UGT1A4: variants seen among roughly 807,000 people sequenced by gnomAD.
UGT1A4 encodes UDP-glucuronosyltransferase 1A4.
UGT1A4 carries 32 observed loss-of-function variants against 41.1 expected under a neutral mutation model. That is an observed-to-expected ratio of 0.78 (90% CI 0.59 to 1.05). The LOEUF is 1.05. UGT1A4 is among the 50% of genes least tolerant of loss of function. UGT1A4 has a pLI of 0.00. For synonymous variants in UGT1A4, 283 were observed against 265.1 expected (o/e 1.07, Z -0.66); for missense variants, 748 against 677.4 (o/e 1.10, Z -1.16).
At chr2:233,759,139 A>C (rs1697067620) in intron 1 of UGT1A4, among the ~76,000 whole-genome samples, 1 of 152,242 alleles carries the variant, frequency 6.6e-6, no homozygotes, top group Non-Finnish European at 1.5e-5. Flanking sequence ...TACGCAATGA[A>C]GGTGAGTTCC....
At chr2:233,771,579 A>G (rs974224388) in intron 4 of UGT1A4, 2 of 152,312 alleles carry the variant, frequency 1.3e-5, no homozygotes, top group Non-Finnish European at 2.9e-5. Flanking sequence ...GGTTGTTTAC[A>G]ACTTCAAATA....
At chr2:233,722,664 T>C (rs1443762088) in intron 1 of UGT1A4, among the ~76,000 whole-genome samples, 2 of 152,158 alleles carry the variant, frequency 1.3e-5, no homozygotes, top group Admixed American at 1.3e-4. Flanking sequence ...TTTACTTAGG[T>C]TTTGGTAAAA....
At position 233,744,814 on chromosome 2, in the gene UGT1A4, C is replaced by T. The variant is rs571865422; in HGVS notation, c.868-22220C>T. 9.2e-5 allele frequency among the ~76,000 whole-genome samples: 14 copies of T among 152,002 alleles called. No individual in the cohort carries two copies. In the East Asian group the frequency reaches 9.6e-4, roughly 10 times the overall value. On this transcript the variant is annotated intron_variant, in intron 1 of 4. Transcript: ENST00000373409. ...CTTGGGGATCCCTAGGATTTCCTGG[C>T]TCATACTTTGAGAATCGCTAGTCTA...
Position 233,719,568 on chromosome 2 carries a change from A to C in UGT1A4, c.748A>C (p.Ser250Arg), listed in dbSNP as rs1164551922. The C allele has an allele frequency of 1.9e-6, 3 of 1,613,756 alleles. No individual in the cohort carries two copies. The highest frequency in any genetic ancestry group is 2.2e-5 in the East Asian group (1 of 44,886). The change falls in exon 1 of 5, where the codon AGC (serine) becomes CGC (arginine). Residue 250 changes from serine (S) to arginine (R), a missense_variant. Coordinates refer to ENST00000373409, the MANE Select transcript of UGT1A4 (RefSeq NM_007120.3). The part of the protein sequence containing the change: ...QREVSVVDLV[S>R]YASVWLFRGD... Reference sequence around the variant, plus strand: ...AGAGGTGTCAGTGGTGGATCTTGTCAGCTATGCATCCGTGTGGCTGTTCCG... The same window carrying C: ...AGAGGTGTCAGTGGTGGATCTTGTCCGCTATGCATCCGTGTGGCTGTTCCG...
rs146704558 is a variant in UGT1A4 at position 233,766,504 on chromosome 2, T to C, written c.868-530T>C. On this transcript the variant is annotated intron_variant, in intron 1 of 4. Transcript: ENST00000373409. ...ATGGGGGCGTGGCAGGCCAGGGTGGTTTTGGGAAATGAAACATTTAGGCAG... is the reference window on the plus strand; with the variant it reads ...ATGGGGGCGTGGCAGGCCAGGGTGGCTTTGGGAAATGAAACATTTAGGCAG... Among the ~76,000 whole-genome samples the C allele has an allele frequency of 2.3e-3, 343 of 152,096 alleles. 3 individuals are homozygous for C. The highest frequency in any genetic ancestry group is 7.9e-3 in the African/African-American group (327 of 41,494).
chr2:233,754,883 G>A (rs762017567), intron 1 of UGT1A4: 29 of 1,351,538 alleles, frequency 2.1e-5, no homozygotes, highest in East Asian at 4.6e-5. Context: ...TGCTTCCCAG[G>A]GAGTTCCTCT....
At chr2:233,739,666 C>T (rs1691171708) in intron 1 of UGT1A4, among the ~76,000 whole-genome samples, 1 of 152,188 alleles carries the variant, frequency 6.6e-6, no homozygotes, top group East Asian at 1.9e-4. Context: ...CCCATTGTGT[C>T]TTGGAAGTTA....
rs1575845163 is a variant in UGT1A4, at chr2:233,769,671, ATG to A, written c.1307+1241_1307+1242del. 2.5e-6 allele frequency: 4 copies of A among 1,588,796 alleles called. No homozygotes were observed. The highest frequency in any genetic ancestry group is 4.5e-5 in the East Asian group (2 of 44,092). On this transcript the variant is annotated intron_variant, in intron 4 of 4. Coordinates refer to ENST00000373409, the MANE Select transcript of UGT1A4 (RefSeq NM_007120.3). This position sits in a 1 kb window ranked among gnomAD's most constrained non-coding sequence, Gnocchi z 4.4. ...CTGACTTCCCACCTTTGAGGTGCTA[ATG>A]TGTGTGTGGTGGCACTGGATAAAAG...
At position 233,725,204 on chromosome 2, in the gene UGT1A4, AGAGGCAGAGGCAGAG is replaced by A. The variant is rs1441655481; in HGVS notation, c.867+5579_867+5593del. On this transcript the variant is annotated intron_variant, in intron 1 of 4. Coordinates refer to ENST00000373409, the MANE Select transcript of UGT1A4 (RefSeq NM_007120.3). ...GAGAGGCAGAGGCAGAGGCAGAGGC[AGAGGCAGAGGCAGAG>A]GAGGCAGAGGCAGAGGAGGCAGAGG... Among the ~76,000 whole-genome samples, 412 of 85,248 alleles carry A rather than the reference AGAGGCAGAGGCAGAG, an allele frequency of 4.8e-3. 82 individuals carry two copies. Among genetic ancestry groups the A allele is most frequent in the East Asian group, 0.012 (46 of 3,984 alleles). The allele number at this position is 85,248 out of a possible 152,430, so 55.9% of individuals were successfully genotyped here.
Position 233,719,317 on chromosome 2 carries a change from C to T in UGT1A4, c.497C>T (p.Ser166Leu), listed in dbSNP as rs149079663. 5.0e-5 allele frequency: 81 copies of T among 1,613,916 alleles called. No individual in the cohort carries two copies. In the Admixed American group the frequency reaches 5.2e-4, roughly 10 times the overall value. ...GGGGCGGTGCTGGCTAAGTACCTGT[C>T]GATTCCTGCTGTGTTTTTTTGGAGG... Reference protein sequence around the residue: ...LCGAVLAKYLSIPAVFFWRYI... With the variant: ...LCGAVLAKYLLIPAVFFWRYI... Residue 166 changes from serine to leucine, a missense_variant, in exon 1 of 5, where the codon TCG becomes TTG. By Grantham distance (145) the Ser-to-Leu change is moderately radical (BLOSUM62 -2). Transcript: ENST00000373409.
At chr2:233,763,105 T>C (rs1443643010) in intron 1 of UGT1A4, among the ~76,000 whole-genome samples, 1 of 152,254 alleles carries the variant, frequency 6.6e-6, no homozygotes, top group Non-Finnish European at 1.5e-5. Context: ...GGCACCGAAC[T>C]TTATCAGCTG....
At chr2:233,735,135 T>C (rs1287914959) in intron 1 of UGT1A4, among the ~76,000 whole-genome samples, 4 of 152,188 alleles carry the variant, frequency 2.6e-5, no homozygotes, top group Non-Finnish European at 4.4e-5. Flanking sequence ...CTCATTATTA[T>C]TGTGTGGGAG....
chr2:233,721,727 T>TA, intron 1 of UGT1A4: 1 of 404,726 alleles, frequency 2.5e-6, no homozygotes, highest in South Asian at 1.9e-5. Flanking sequence ...TTTACTTGGA[T>TA]AAGCTTAATG....
At position 233,769,843 on chromosome 2, in the gene UGT1A4, G is replaced by T; in HGVS notation, c.1307+1404G>T. On this transcript the variant is annotated intron_variant, in intron 4 of 4. Transcript: ENST00000373409. The surrounding 1 kb of genome is among the most constrained non-coding windows in gnomAD (Gnocchi z 4.4). ...GCACTCCAGCAACCTGGGCAACAGA[G>T]TGAGACCCTGTCTCAAAAAAAAAAA... 9 of 506,258 alleles carry T rather than the reference G, an allele frequency of 1.8e-5. No individual in the cohort carries two copies. The highest frequency in any genetic ancestry group is 4.7e-5 in the South Asian group (1 of 21,142). The allele number at this position is 506,258 out of a possible 1,614,324, so 31.4% of individuals were successfully genotyped here.
At chr2:233,757,562 G>A (rs1976390) in intron 1 of UGT1A4, among the ~76,000 whole-genome samples, 12,378 of 80,798 alleles carry the variant, frequency 0.15, 1,302 homozygotes, top group African/African-American at 0.2. Context: ...ATATATATAT[G>A]TATATATGAT....
chr2:233,724,253 C>T (rs2077196300), intron 1 of UGT1A4, among the ~76,000 whole-genome samples: 1 of 128,614 alleles, frequency 7.8e-6, no homozygotes, highest in Non-Finnish European at 1.7e-5. Flanking sequence ...AGGCGCCCCT[C>T]ACCTCCCGGA....
intron 1 of UGT1A4, chr2:233,754,842 G>A (rs1695608877): frequency 7.4e-7 from 1 of 1,343,156 alleles, no homozygotes; most frequent in Non-Finnish European, 1.0e-6. Context: ...TTCACTGAAG[G>A]CAGAGAAAAG....
intron 1 of UGT1A4, among the ~76,000 whole-genome samples, chr2:233,733,960 G>T (rs2078458395): frequency 6.6e-6 from 1 of 151,916 alleles, no homozygotes; most frequent in African/African-American, 2.4e-5. Flanking sequence ...CTGTTGTGGG[G>T]TAGGGGGAGC....
intron 2 of UGT1A4, among the ~76,000 whole-genome samples, chr2:233,767,385 C>T (rs930276020): frequency 1.6e-4 from 25 of 152,084 alleles, no homozygotes; most frequent in African/African-American, 5.8e-4. Context: ...CCACCACACT[C>T]AGAAGTATCA....
Sources: allele counts gnomAD v4.1 joint callset (sites outside exome capture counted in the v4.1 genomes callset), GRCh38; gene constraint gnomAD v4.1.1; non-coding constraint Gnocchi (gnomAD v3.1); transcripts MANE v1.5; gene names NCBI Gene and HGNC (gene_info 2026-07-23, HGNC 2026-07-21).